CAST: variants seen among roughly 807,000 people sequenced by gnomAD.
The protein encoded by CAST is MIR583 host.
A neutral mutation model predicts 119.6 loss-of-function variants in CAST; 76 were observed. That is an observed-to-expected ratio of 0.64 (90% CI 0.53 to 0.77). The LOEUF (loss-of-function observed/expected upper bound fraction) is 0.77. Among genes scored for constraint, CAST ranks in the 30% least tolerant of loss-of-function variants. CAST has a pLI of 0.00. For synonymous variants in CAST, 319 were observed against 331.6 expected, an observed-to-expected ratio of 0.96 and a Z score of 0.41; for missense variants, 953 against 946.5, an observed-to-expected ratio of 1.01 and a Z score of -0.09.
intron 1 of CAST, among the ~76,000 whole-genome samples, chr5:96,553,910 C>T (rs952252712): frequency 6.6e-6 from 1 of 152,134 alleles, no homozygotes; most frequent in Non-Finnish European, 1.5e-5. Context: ...AGAGAGGACA[C>T]AAACAAATGG....
the CAST span, among the ~76,000 whole-genome samples, chr5:96,112,032 A>T: frequency 6.6e-6 from 1 of 151,244 alleles, no homozygotes. Context: ...GTTAATGAGT[A>T]GTTTTCTATT....
chr5:96,431,653 C>G, the CAST span, among the ~76,000 whole-genome samples: 1 of 152,104 alleles, frequency 6.6e-6, no homozygotes, highest in Non-Finnish European at 1.5e-5. Context: ...ATTTTCCTTT[C>G]GGGCATTTCA....
the CAST span, among the ~76,000 whole-genome samples, chr5:96,294,170 TA>T: frequency 6.6e-6 from 1 of 152,216 alleles, no homozygotes; most frequent in Non-Finnish European, 1.5e-5. Flanking sequence ...GCTAACAACT[TA>T]AAAAAATTAG....
the CAST span, among the ~76,000 whole-genome samples, chr5:96,290,143 T>C: frequency 2.0e-5 from 3 of 152,236 alleles, no homozygotes; most frequent in Admixed American, 1.3e-4. Flanking sequence ...ACATTAATTT[T>C]CTGCATCTTA....
chr5:96,122,613 C>T, the CAST span, among the ~76,000 whole-genome samples: 11 of 152,104 alleles, frequency 7.2e-5, no homozygotes, highest in Non-Finnish European at 1.6e-4. Context: ...TCTCTTGCAT[C>T]CATGTGTTCG....
the CAST span, chr5:96,247,734 G>T: frequency 6.6e-6 from 1 of 152,222 alleles, no homozygotes; most frequent in Non-Finnish European, 1.5e-5. Context: ...ACCCTTGGCT[G>T]GTCGGTAGCT....
chr5:96,026,530 T>C, the CAST span, among the ~76,000 whole-genome samples: 1 of 152,210 alleles, frequency 6.6e-6, no homozygotes, highest in East Asian at 1.9e-4. Flanking sequence ...GGGAAATTCT[T>C]TTCCACATCT....
chr5:96,643,425 G>A (rs1159668543), intron 1 of CAST, among the ~76,000 whole-genome samples: 1 of 152,178 alleles, frequency 6.6e-6, no homozygotes, highest in Non-Finnish European at 1.5e-5. Flanking sequence ...GTGAGGATAG[G>A]AAGGTGATAG....
At chr5:96,325,914 C>A in the CAST span, among the ~76,000 whole-genome samples, 1 of 152,166 alleles carries the variant, frequency 6.6e-6, no homozygotes, top group Admixed American at 6.6e-5. Context: ...CCCAACTTGG[C>A]GATCCACATG....
chr5:96,157,692 A>G, the CAST span, among the ~76,000 whole-genome samples: 1 of 152,238 alleles, frequency 6.6e-6, no homozygotes, highest in Admixed American at 6.5e-5. Flanking sequence ...CCAATTAGCC[A>G]GCAATTGGCC....
chr5:96,555,464 T>G (rs77998057), intron 1 of CAST, among the ~76,000 whole-genome samples: 1 of 152,102 alleles, frequency 6.6e-6, no homozygotes. Flanking sequence ...GTCAGGGAAT[T>G]CCCTTTCCTA....
chr5:96,427,906 G>A, the CAST span, among the ~76,000 whole-genome samples: 1 of 152,150 alleles, frequency 6.6e-6, no homozygotes, highest in East Asian at 1.9e-4. Context: ...AAGTGAGTAA[G>A]GGAAGACCTC....
At chr5:96,556,930 A>C (rs942060976) in intron 1 of CAST, among the ~76,000 whole-genome samples, 1 of 151,740 alleles carries the variant, frequency 6.6e-6, no homozygotes, top group Non-Finnish European at 1.5e-5. Flanking sequence ...AGTTGAAATG[A>C]AGGAAAAAAT....
upstream of CAST, among the ~76,000 whole-genome samples, chr5:96,659,711 G>C (rs961791466): frequency 1.3e-5 from 2 of 152,004 alleles, no homozygotes; most frequent in Admixed American, 6.6e-5. Flanking sequence ...TGTATTTTTA[G>C]TAGAGACGGG....
the CAST span, among the ~76,000 whole-genome samples, chr5:96,056,928 T>C: frequency 6.6e-6 from 1 of 152,144 alleles, no homozygotes; most frequent in Non-Finnish European, 1.5e-5. Context: ...CAAAAATTTT[T>C]TTAGACAAAA....
At chr5:96,231,721 A>G in the CAST span, among the ~76,000 whole-genome samples, 12 of 152,132 alleles carry the variant, frequency 7.9e-5, no homozygotes, top group Non-Finnish European at 1.5e-4. Flanking sequence ...GTAATACTTT[A>G]TTGTTTATTA....
the CAST span, among the ~76,000 whole-genome samples, chr5:96,025,965 G>A: frequency 1.3e-5 from 2 of 152,178 alleles, no homozygotes; most frequent in Non-Finnish European, 2.9e-5. Flanking sequence ...GGGTGTGGTG[G>A]CTCATGCCTG....
chr5:96,299,840 T>C, the CAST span, among the ~76,000 whole-genome samples: 9 of 152,174 alleles, frequency 5.9e-5, no homozygotes, highest in Non-Finnish European at 1.0e-4. Context: ...ATGATGTGAT[T>C]TTTTTTGTGG....
chr5:96,218,340 C>G, the CAST span, among the ~76,000 whole-genome samples: 1 of 152,132 alleles, frequency 6.6e-6, no homozygotes, highest in Non-Finnish European at 1.5e-5. Context: ...TATATTATGC[C>G]TGTGGTCCAG....
Sources: allele counts gnomAD v4.1 joint callset (sites outside exome capture counted in the v4.1 genomes callset), GRCh38; gene constraint gnomAD v4.1.1; transcripts MANE v1.5; gene names NCBI Gene and HGNC (gene_info 2026-07-23, HGNC 2026-07-21).